ANXA4: variants seen among roughly 807,000 people sequenced by gnomAD.
ANXA4 encodes the protein annexin A4.
ANXA4 carries 39 observed loss-of-function variants against 49.8 expected under a neutral mutation model. The observed-to-expected ratio is 0.78, with a 90% confidence interval of 0.61 to 1.02. The LOEUF is 1.02. Among genes scored for constraint, ANXA4 ranks in the 50% least tolerant of loss-of-function variants. The probability of loss-of-function intolerance (pLI) is 0.00; values close to 1 mark genes in which losing one functional copy is unlikely to be tolerated. For missense variants in ANXA4, 360 were observed against 410.1 expected (o/e 0.88, Z 1.05); for synonymous variants, 134 against 152.5 (o/e 0.88, Z 0.89).
intron 1 of ANXA4, among the ~76,000 whole-genome samples, chr2:69,646,225 AT>A (rs1266983594): frequency 6.6e-6 from 1 of 152,232 alleles, no homozygotes; most frequent in Admixed American, 6.5e-5. Context: ...TGAGTACAAA[AT>A]AATGAACAGA....
At chr2:69,727,009 A>C (rs2105439355) in intron 3 of ANXA4, among the ~76,000 whole-genome samples, 1 of 152,182 alleles carries the variant, frequency 6.6e-6, no homozygotes, top group East Asian at 1.9e-4. Flanking sequence ...CAGCCTCCCG[A>C]GTAGCTGGGA....
intron 2 of ANXA4, among the ~76,000 whole-genome samples, chr2:69,719,260 CTTTTTTTTTT>C (rs1192269262): frequency 4.5e-5 from 3 of 66,544 alleles, no homozygotes; most frequent in African/African-American, 1.7e-4. Flanking sequence ...ATTTTCCAGT[CTTTTTTTTTT>C]TTTTTTTTTT....
chr2:69,652,157 C>T (rs1676276635), intron 1 of ANXA4, among the ~76,000 whole-genome samples: 1 of 152,068 alleles, frequency 6.6e-6, no homozygotes, highest in Non-Finnish European at 1.5e-5. Flanking sequence ...GGACTACAGG[C>T]CTATGCCCAG....
chr2:69,797,635 C>T (rs1672999514), intron 3 of ANXA4, among the ~76,000 whole-genome samples: 1 of 152,134 alleles, frequency 6.6e-6, no homozygotes, highest in Admixed American at 6.5e-5. Flanking sequence ...ACATAAAATC[C>T]CCTTTCTATT....
At chr2:69,710,529 CAGATTATTTCCAT>C (rs1678643872) in intron 2 of ANXA4, among the ~76,000 whole-genome samples, 1 of 152,058 alleles carries the variant, frequency 6.6e-6, no homozygotes, top group Non-Finnish European at 1.5e-5. Context: ...GTCTGTATTT[CAGATTATTTCCAT>C]AGGCAAAATA....
rs189899295 is a variant in ANXA4, at chr2:69,777,269, A to G, written c.-46-4251A>G. On this transcript the variant is annotated intron_variant, in intron 1 of 12. Coordinates refer to ENST00000394295, the MANE Select transcript of ANXA4 (RefSeq NM_001153.5). Reference sequence around the variant, plus strand: ...TTGTTACATAGGCATGATTGATCCAATCATTGGCCATTGGTGATGAAATCA... The same window carrying G: ...TTGTTACATAGGCATGATTGATCCAGTCATTGGCCATTGGTGATGAAATCA... 3.1e-3 allele frequency among the ~76,000 whole-genome samples: 471 copies of G among 152,222 alleles called. 3 individuals carry two copies. The highest frequency in any genetic ancestry group is 0.01 in the African/African-American group (422 of 41,524).
At chr2:69,773,040 G>T (rs535552121) in intron 1 of ANXA4, among the ~76,000 whole-genome samples, 2 of 150,360 alleles carry the variant, frequency 1.3e-5, no homozygotes, top group African/African-American at 4.9e-5. Context: ...AAGAAAGAAA[G>T]AAATTTGTTT....
chr2:69,755,961 A>G (rs1205666845), intron 1 of ANXA4, among the ~76,000 whole-genome samples: 1 of 152,174 alleles, frequency 6.6e-6, no homozygotes, highest in East Asian at 1.9e-4. Flanking sequence ...TGTCTATTAT[A>G]TCTGTGTGGT....
intron 2 of ANXA4, among the ~76,000 whole-genome samples, chr2:69,693,650 G>A (rs1678054291): frequency 6.6e-6 from 1 of 152,204 alleles, no homozygotes; most frequent in Non-Finnish European, 1.5e-5. Flanking sequence ...GGGGACAGGA[G>A]AGGAAGGAAA....
Position 69,711,715 on chromosome 2 carries a change from G to T in ANXA4, n.767-9059G>T, listed in dbSNP as rs1019786221. Among the ~76,000 whole-genome samples, 3 of 152,126 alleles carry T rather than the reference G, an allele frequency of 2.0e-5. No homozygotes were observed. In the East Asian group the frequency reaches 5.8e-4, roughly 29 times the overall value. On this transcript the variant is annotated intron_variant and non_coding_transcript_variant, in intron 2 of 3. Coordinates refer to the ANXA4 transcript ENST00000418066. ...AAATAAGAAATGGTTCTGATATATG[G>T]TTTTTTGGGTTTTGTTTGTTTGGGC...
intron 2 of ANXA4, among the ~76,000 whole-genome samples, chr2:69,710,102 C>T (rs1678630528): frequency 6.6e-6 from 1 of 151,430 alleles, no homozygotes; most frequent in African/African-American, 2.4e-5. Context: ...ATTCTCCTGC[C>T]TCAGCCTCCC....
intron 1 of ANXA4, among the ~76,000 whole-genome samples, chr2:69,651,910 G>T (rs1000740252): frequency 6.7e-6 from 1 of 148,740 alleles, no homozygotes; most frequent in African/African-American, 2.5e-5. Context: ...CAACTTCCTG[G>T]GTTCAAGCAA....
chr2:69,747,700 T>C (rs1028476767), intron 1 of ANXA4, among the ~76,000 whole-genome samples: 1 of 152,150 alleles, frequency 6.6e-6, no homozygotes, highest in African/African-American at 2.4e-5. Context: ...TTTTTTAATT[T>C]TCAGAAAGGG....
chr2:69,656,343 ATGTGTATATATG>A lies in ANXA4; in HGVS notation n.766+3065_766+3076del, dbSNP rs1559046518. Among the ~76,000 whole-genome samples, 20 of 102,838 alleles carry A rather than the reference ATGTGTATATATG, an allele frequency of 1.9e-4. 3 individuals carry two copies. In the East Asian group the frequency reaches 6.2e-3, roughly 32 times the overall value. 67.5% of individuals were successfully genotyped at this position (102,838 alleles called of 152,430 possible). On this transcript the variant is annotated intron_variant and non_coding_transcript_variant, in intron 2 of 3. Coordinates refer to the ANXA4 transcript ENST00000418066. ...TATATGTATATATATGTGTATATAT[ATGTGTATATATG>A]TGTATATATATGTGTATATATGTGT...
At chr2:69,666,085 T>C (rs1198986617) in intron 2 of ANXA4, among the ~76,000 whole-genome samples, 1 of 152,114 alleles carries the variant, frequency 6.6e-6, no homozygotes, top group East Asian at 1.9e-4. Context: ...GCACCTGTGG[T>C]CTCAGCTACT....
intron 1 of ANXA4, among the ~76,000 whole-genome samples, chr2:69,767,635 G>A (rs1381294433): frequency 2.0e-5 from 3 of 152,186 alleles, no homozygotes; most frequent in Admixed American, 1.3e-4. Context: ...TTAGAAATGC[G>A]CTGCTTTCTT....
intron 6 of ANXA4, chr2:69,809,955 G>A (rs1229319770): frequency 1.3e-5 from 2 of 152,462 alleles, no homozygotes; most frequent in African/African-American, 4.8e-5. Context: ...CTCCACAGCT[G>A]TGGTTCCCTC....
chr2:69,763,193 C>G (rs758487813), intron 1 of ANXA4, among the ~76,000 whole-genome samples: 1 of 152,126 alleles, frequency 6.6e-6, no homozygotes, highest in African/African-American at 2.4e-5. Context: ...GAACCCTGCC[C>G]TGGCCCAGAG....
intron 2 of ANXA4, among the ~76,000 whole-genome samples, chr2:69,682,293 T>C (rs967239667): frequency 3.3e-5 from 5 of 152,240 alleles, no homozygotes; most frequent in South Asian, 2.1e-4. Context: ...TCGTACGTTC[T>C]ATGTCAATTT....
Sources: allele counts gnomAD v4.1 joint callset (sites outside exome capture counted in the v4.1 genomes callset), GRCh38; gene constraint gnomAD v4.1.1; transcripts MANE v1.5; gene names NCBI Gene and HGNC (gene_info 2026-07-23, HGNC 2026-07-21).